Variants in TRDN observed in about 807,000 individuals in gnomAD.
The protein encoded by TRDN is triadin in skeletal muscle.
TRDN carries 161 observed loss-of-function variants against 149.7 expected under a neutral mutation model. That is an observed-to-expected ratio of 1.08 (90% CI 0.95 to 1.23). The LOEUF (loss-of-function observed/expected upper bound fraction) is 1.23. TRDN is among the 50% of genes most tolerant of loss of function. The pLI is 0.00. For synonymous variants in TRDN, 294 were observed against 250.5 expected (o/e 1.17, Z -1.64); for missense variants, 896 against 823.5 (o/e 1.09, Z -1.08).
In TRDN at chr6:123,551,465, ATAT is replaced by A. The variant is rs549268259; in HGVS notation, c.233-2856_233-2854del. On this transcript the variant is annotated intron_variant, in intron 2 of 40. Coordinates refer to ENST00000334268, the MANE Select transcript of TRDN (RefSeq NM_006073.4). ...AATCCAGATCATATCAATGGAAAAA[ATAT>A]TATTCAACGCAAACTAAAACTTTTA... 3.4e-3 allele frequency among the ~76,000 whole-genome samples: 516 copies of A among 151,978 alleles called. 4 individuals carry two copies. Among genetic ancestry groups the A allele is most frequent in the South Asian group, 0.025 (123 of 4,834 alleles).
chr6:123,458,184 T>C (rs892676432), intron 10 of TRDN, among the ~76,000 whole-genome samples: 7 of 152,240 alleles, frequency 4.6e-5, no homozygotes, highest in Middle Eastern at 3.2e-3. Context: ...CACTGGGGCC[T>C]GTTATACCCT....
At chr6:123,228,446 G>A (rs1028735843) in intron 38 of TRDN, among the ~76,000 whole-genome samples, 2 of 151,864 alleles carry the variant, frequency 1.3e-5, no homozygotes, top group Non-Finnish European at 2.9e-5. Flanking sequence ...CTTACATCAC[G>A]GCAGAAACAG....
At chr6:123,414,717 G>A (rs116057816) in intron 12 of TRDN, among the ~76,000 whole-genome samples, 35 of 152,106 alleles carry the variant, frequency 2.3e-4, no homozygotes, top group African/African-American at 8.2e-4. Flanking sequence ...TTAGTGATTC[G>A]CATAATAGTT....
intron 38 of TRDN, among the ~76,000 whole-genome samples, chr6:123,244,879 A>T (rs1776117181): frequency 6.6e-6 from 1 of 152,242 alleles, no homozygotes; most frequent in Non-Finnish European, 1.5e-5. Flanking sequence ...GAAGCCCATC[A>T]GACTAACAGC....
Position 123,516,140 on chromosome 6 carries a change from C to T in TRDN, c.550+1G>A. On this transcript the variant is annotated splice_donor_variant, in intron 6 of 40. Transcript: ENST00000334268. LOFTEE classifies it high-confidence loss of function. Reference sequence around the variant, plus strand: ...AAACAGTAATAAAAGTAACTTCATACCTTTCTTTTCAGGTTTTTCTTTTTC... The same window carrying T: ...AAACAGTAATAAAAGTAACTTCATATCTTTCTTTTCAGGTTTTTCTTTTTC... 6.7e-7 allele frequency: 1 copy of T among 1,488,916 alleles called. No individual in the cohort carries two copies. The highest frequency in any genetic ancestry group is 1.2e-5 in the South Asian group (1 of 80,532). The allele number at this position is 1,488,916 out of a possible 1,614,324, so 92.2% of individuals were successfully genotyped here.
intron 20 of TRDN, among the ~76,000 whole-genome samples, chr6:123,354,588 A>G (rs761885342): frequency 6.6e-5 from 10 of 151,894 alleles, no homozygotes; most frequent in Non-Finnish European, 1.0e-4. Context: ...GATGTAAGTA[A>G]GGAGTAAAGG....
At chr6:123,474,981 C>T (rs1562334652) in intron 9 of TRDN, among the ~76,000 whole-genome samples, 1 of 152,096 alleles carries the variant, frequency 6.6e-6, no homozygotes, top group African/African-American at 2.4e-5. Flanking sequence ...GACACCCTAA[C>T]ATCACAATTA....
At chr6:123,461,695 G>A (rs950400154) in intron 10 of TRDN, among the ~76,000 whole-genome samples, 2 of 152,184 alleles carry the variant, frequency 1.3e-5, no homozygotes, top group African/African-American at 2.4e-5. Context: ...ATTGCCTGAA[G>A]TTGTTCTGTT....
intron 9 of TRDN, among the ~76,000 whole-genome samples, chr6:123,482,440 C>T (rs927629460): frequency 6.6e-6 from 1 of 152,156 alleles, no homozygotes; most frequent in Admixed American, 6.5e-5. Flanking sequence ...ATTTGGAAGT[C>T]ATCCAATCTC....
chr6:123,307,173 A>T (rs772126744), intron 24 of TRDN, among the ~76,000 whole-genome samples: 1 of 152,052 alleles, frequency 6.6e-6, no homozygotes, highest in Non-Finnish European at 1.5e-5. Flanking sequence ...ATAGGAGAGG[A>T]TTTAGAAGAA....
intron 1 of TRDN, among the ~76,000 whole-genome samples, chr6:123,614,237 C>A (rs1054225917): frequency 1.4e-5 from 2 of 146,236 alleles, no homozygotes; most frequent in East Asian, 4.2e-4. Flanking sequence ...CTGCTTTAAA[C>A]TCCCCACCAT....
At chr6:123,491,021 G>C (rs1290303863) in intron 9 of TRDN, among the ~76,000 whole-genome samples, 1 of 151,818 alleles carries the variant, frequency 6.6e-6, no homozygotes, top group African/African-American at 2.4e-5. Flanking sequence ...CAGGAGAATT[G>C]CTTGAACCCG....
At chr6:123,523,094 G>C (rs1480945912) in intron 5 of TRDN, among the ~76,000 whole-genome samples, 1 of 152,154 alleles carries the variant, frequency 6.6e-6, no homozygotes, top group African/African-American at 2.4e-5. Context: ...GGGTGGAACA[G>C]CATGGACAAA....
At chr6:123,594,741 T>C (rs1320565889) in intron 1 of TRDN, among the ~76,000 whole-genome samples, 2 of 136,536 alleles carry the variant, frequency 1.5e-5, no homozygotes, top group African/African-American at 5.5e-5. Flanking sequence ...AAATTTATAG[T>C]ATGAAATGCC....
At chr6:123,390,889 T>G (rs1243866212) in intron 13 of TRDN, among the ~76,000 whole-genome samples, 1 of 152,116 alleles carries the variant, frequency 6.6e-6, no homozygotes, top group Non-Finnish European at 1.5e-5. Flanking sequence ...CTTCCTATAG[T>G]ATCCAGGAGA....
chr6:123,624,834 T>C (rs550103920), intron 1 of TRDN, among the ~76,000 whole-genome samples: 20 of 152,172 alleles, frequency 1.3e-4, no homozygotes, highest in African/African-American at 4.8e-4. Flanking sequence ...GTTCAAATAA[T>C]GGGAGAACAC....
intron 12 of TRDN, among the ~76,000 whole-genome samples, chr6:123,414,373 G>A (rs910056923): frequency 6.6e-6 from 1 of 152,042 alleles, no homozygotes; most frequent in African/African-American, 2.4e-5. Flanking sequence ...GTGAGTTATA[G>A]GAATTTTCAC....
At chr6:123,495,371 T>C (rs1778403475) in intron 9 of TRDN, among the ~76,000 whole-genome samples, 1 of 151,426 alleles carries the variant, frequency 6.6e-6, no homozygotes, top group South Asian at 2.1e-4. Context: ...ATACAAAAAT[T>C]AGCCGAGTAT....
At chr6:123,487,400 T>A (rs889648376) in intron 9 of TRDN, among the ~76,000 whole-genome samples, 2 of 152,082 alleles carry the variant, frequency 1.3e-5, no homozygotes, top group African/African-American at 4.8e-5. Flanking sequence ...TCACACATAG[T>A]GCTCATCACC....
Sources: gnomAD v4.1 joint callset for allele counts (sites outside exome capture counted in the v4.1 genomes callset) on GRCh38, gnomAD v4.1.1 for gene constraint, MANE v1.5 for transcripts, NCBI Gene and HGNC (gene_info 2026-07-23, HGNC 2026-07-21) for gene names.